Variants in MUC12 observed in about 807,000 individuals in gnomAD.
MUC12 encodes the protein mucin 12, cell surface associated.
A neutral mutation model predicts 230.8 loss-of-function variants in MUC12; 172 were observed. The observed-to-expected ratio is 0.75, with a 90% confidence interval of 0.66 to 0.85. The LOEUF (loss-of-function observed/expected upper bound fraction) is 0.85, where lower values mean the gene tolerates loss of function less well. MUC12 is among the 40% of genes least tolerant of loss of function. The pLI is 0.00. For synonymous variants in MUC12, 1,259 were observed against 2,401.9 expected (o/e 0.52, Z 13.91); for missense variants, 3,506 against 5,920.6 (o/e 0.59, Z 13.38).
At position 100,995,418 on chromosome 7, in the gene MUC12, T is replaced by C; in HGVS notation, c.4855T>C (p.Ser1619Pro). ...CCCAGGCTCCACAGACACAACATTG[T>C]CCCCTGGCAGTACCACAGCATCATC... ...SSPGSTDTTL[S>P]PGSTTASSLG... Residue 1619 changes from serine (S) to proline (P), a missense_variant, in exon 2 of 12, where the codon TCC (serine) becomes CCC (proline). By Grantham distance (74) the Ser-to-Pro change is moderately conservative. Coordinates refer to ENST00000536621, the MANE Select transcript of MUC12 (RefSeq NM_001164462.2). 1 of 1,534,774 alleles carries C rather than the reference T, an allele frequency of 6.5e-7. No homozygotes were observed. The highest frequency in any genetic ancestry group is 8.7e-7 in the Non-Finnish European group (1 of 1,145,880).
At position 101,005,319 on chromosome 7, in the gene MUC12, C is replaced by G. The variant is rs1270438099; in HGVS notation, c.14756C>G (p.Pro4919Arg). 11 of 1,537,804 alleles carry G rather than the reference C, an allele frequency of 7.2e-6. No individual in the cohort carries two copies. The highest frequency in any genetic ancestry group is 8.7e-6 in the Non-Finnish European group (10 of 1,147,078). The part of the protein sequence containing the change: ...HSSSDATGTT[P>R]LPARSTASDL... Reference sequence around the variant, plus strand: ...AGCTCAGACGCAACTGGAACAACACCCTTACCTGCCCGCTCCACAGCCTCA... The same window carrying G: ...AGCTCAGACGCAACTGGAACAACACGCTTACCTGCCCGCTCCACAGCCTCA... The change falls in exon 2 of 12, where the codon CCC (proline) becomes CGC (arginine). Residue 4919 changes from proline to arginine, a missense_variant. Transcript: ENST00000536621.
Position 100,994,065 on chromosome 7 carries a change from A to C in MUC12, c.3502A>C (p.Thr1168Pro), listed in dbSNP as rs1204876692. ...CGTCTACAGCAGCAGCCGAGGCTCA[A>C]CTGAAACCACAGTGTTCCCTCACAG... is the stretch of plus-strand genomic sequence containing the variant. ...TTVYSSSRGSTETTVFPHSTT... is the reference protein window; with the variant it reads ...TTVYSSSRGSPETTVFPHSTT... The change falls in exon 2 of 12, where the codon ACT (threonine) becomes CCT (proline). Residue 1168 changes from threonine (T) to proline (P), a missense_variant. Coordinates refer to ENST00000536621, the MANE Select transcript of MUC12 (RefSeq NM_001164462.2). The C allele has an allele frequency of 2.0e-6, 2 of 1,022,950 alleles. 1 individual carries two copies. The highest frequency in any genetic ancestry group is 4.4e-5 in the African/African-American group (2 of 45,910). The allele number at this position is 1,022,950 out of a possible 1,614,324, so 63.4% of individuals were successfully genotyped here.
At chr7:101,009,184 A>G (rs1793805402) in intron 5 of MUC12, 25 bp downstream of exon 5, 1 of 1,533,130 alleles carries the variant, frequency 6.5e-7, no homozygotes. Context: ...GGGCAGGTTT[A>G]TAGATGTGGG....
Position 100,980,635 on chromosome 7 carries a change from T to C in MUC12, c.68-9996T>C, listed in dbSNP as rs546668082. Among the ~76,000 whole-genome samples the C allele has an allele frequency of 5.9e-5, 9 of 152,314 alleles. No individual in the cohort carries two copies. The South Asian group carries it at 1.7e-3, about 28-fold the overall frequency. On this transcript the variant is annotated intron_variant, in intron 1 of 11. Coordinates refer to ENST00000536621, the MANE Select transcript of MUC12 (RefSeq NM_001164462.2). ...ACTAGGAATGTCATCGTTAAAATGA[T>C]ATCAGCAGCTGGGTGTGGTGGCTCA...
chr7:100,973,064 G>C, intron 1 of MUC12: 1 of 701,794 alleles, frequency 1.4e-6, no homozygotes, highest in South Asian at 1.5e-5. Context: ...TGGATGACAG[G>C]AGCAGTAAGA....
chr7:101,004,561 A>T lies in MUC12; in HGVS notation c.13998A>T (p.Ala4666=). Residue 4666 remains alanine, a synonymous_variant, in exon 2 of 12, where the codon GCA becomes GCT. Transcript: ENST00000536621. The stretch of plus-strand genomic sequence containing the variant: ...ACCACAGCAGCCCGGGCTCAATTGC[A>T]ACAACACACTTTCCTGAGAGCTCCA... ...TSYHSSPGSI[A]TTHFPESSTT... is the part of the protein sequence containing the mutation. 18 of 1,537,354 alleles carry T rather than the reference A, an allele frequency of 1.2e-5. No individual in the cohort carries two copies. Among genetic ancestry groups the T allele is most frequent in the Non-Finnish European group, 1.6e-5 (18 of 1,146,882 alleles).
chr7:101,004,659 C>T lies in MUC12; in HGVS notation c.14096C>T (p.Pro4699Leu), dbSNP rs1026715740. The change falls in exon 2 of 12, where the codon CCT (proline) becomes CTT (leucine). Residue 4699 changes from proline to leucine, a missense_variant. Pro to Leu is a moderately conservative substitution (Grantham distance 98, BLOSUM62 -3). Transcript: ENST00000536621. ...GATACAAATGGAATCACACCCTTAC[C>T]TGCCCATTTTACTACCTCAGGCCGC... ...SPDTNGITPL[P>L]AHFTTSGRIA... 2.0e-6 allele frequency: 3 copies of T among 1,537,326 alleles called. No individual in the cohort carries two copies. Among genetic ancestry groups the T allele is most frequent in the Non-Finnish European group, 1.7e-6 (2 of 1,146,648 alleles).
intron 1 of MUC12, 125 bp downstream of exon 1, chr7:100,969,814 G>A: frequency 7.2e-7 from 1 of 1,388,006 alleles, no homozygotes; most frequent in South Asian, 1.3e-5. Context: ...GCTGCCACAG[G>A]GCTGGAGACC....
intron 5 of MUC12, among the ~76,000 whole-genome samples, 156 bp from the exon 6 acceptor site, chr7:101,012,136 CTCTG>C: frequency 6.6e-6 from 1 of 152,262 alleles, no homozygotes; most frequent in South Asian, 2.1e-4. Flanking sequence ...GCTCTCCTCC[CTCTG>C]TCTGGGTGGT....
rs1793904030 is a variant in MUC12, at chr7:101,015,611, G to T, written c.15801-4G>T. On this transcript the variant is annotated splice_polypyrimidine_tract_variant and splice_region_variant and intron_variant, in intron 9 of 11. Transcript: ENST00000536621. ...ACAGCTGCTCAAGGCATTTCTGTCT[G>T]CAGGGAACAGTATGATGTGCCTCAA... 6.5e-7 allele frequency: 1 copy of T among 1,537,492 alleles called. No individual in the cohort carries two copies. The highest frequency in any genetic ancestry group is 8.7e-7 in the Non-Finnish European group (1 of 1,146,952).
rs1031678731 is a variant in MUC12 at position 101,004,920 on chromosome 7, C to T, written c.14357C>T (p.Thr4786Ile). Residue 4786 changes from threonine (T) to isoleucine (I), a missense_variant, in exon 2 of 12, where the codon ACC (threonine) becomes ATC (isoleucine). By Grantham distance (89) the Thr-to-Ile change is moderately conservative (BLOSUM62 -1). Coordinates refer to ENST00000536621, the MANE Select transcript of MUC12 (RefSeq NM_001164462.2). The stretch of plus-strand genomic sequence containing the variant: ...ACAACAGCGTTCCCTGCCAGCACCA[C>T]CACCTCAGGCCTCAGTCAGGAATCA... ...THTTAFPAST[T>I]TSGLSQESTT... The T allele has an allele frequency of 6.3e-5, 97 of 1,537,820 alleles. No individual in the cohort carries two copies. The highest frequency in any genetic ancestry group is 8.1e-5 in the Non-Finnish European group (93 of 1,147,072).
chr7:101,013,405 A>C (rs568080625), intron 8 of MUC12, among the ~76,000 whole-genome samples: 1 of 151,994 alleles, frequency 6.6e-6, no homozygotes, highest in South Asian at 2.1e-4. Context: ...TTCCAAATCT[A>C]TCTCTATCTC....
In MUC12 at chr7:101,006,459, A is replaced by C. The variant is rs777422805; in HGVS notation, c.14957-12A>C. On this transcript the variant is annotated splice_polypyrimidine_tract_variant and intron_variant, in intron 2 of 11. Coordinates refer to ENST00000536621, the MANE Select transcript of MUC12 (RefSeq NM_001164462.2). ...TCCCACGGTGACTGCTGTGGATTCT[A>C]TCTCTCCACAGGGTTGTGCCAGGAA... 25 of 1,525,030 alleles carry C rather than the reference A, an allele frequency of 1.6e-5. No homozygotes were observed. The highest frequency in any genetic ancestry group is 2.0e-5 in the Non-Finnish European group (23 of 1,135,866). The allele number at this position is 1,525,030 out of a possible 1,614,324, so 94.5% of individuals were successfully genotyped here.
In MUC12 at chr7:101,006,514, C is replaced by T. The variant is rs1252074848; in HGVS notation, c.15000C>T (p.Val5000=). The T allele has an allele frequency of 2.0e-6, 3 of 1,537,134 alleles. No individual in the cohort carries two copies. The East Asian group carries it at 7.3e-5, about 38-fold the overall frequency. ...EGQIWNGKQC[V]CPQGYVGYQC... The stretch of plus-strand genomic sequence containing the variant: ...AAATTTGGAATGGAAAACAATGCGT[C>T]TGTCCCCAAGGCTACGTTGGTTACC... The change falls in exon 3 of 12, where the codon GTC becomes GTT. Residue 5000 remains valine (V), a synonymous_variant. Transcript: ENST00000536621.
intron 10 of MUC12, 120 bp downstream of exon 10, chr7:101,015,811 C>A: frequency 2.3e-6 from 2 of 851,448 alleles, no homozygotes; most frequent in Non-Finnish European, 1.8e-6. Flanking sequence ...CTGTGACTGA[C>A]AGCCCGTTCC....
rs144516841 is a variant in MUC12 at position 100,987,895 on chromosome 7, G to A, written c.68-2736G>A. On this transcript the variant is annotated intron_variant, in intron 1 of 11. Transcript: ENST00000536621. ...CTGAGGCAGGAGAATCACTTGAACT[G>A]GGGAGGCAGATGGTGCGGTGAGCCA... Among the ~76,000 whole-genome samples the A allele has an allele frequency of 9.0e-3, 1,365 of 151,902 alleles. 17 individuals are homozygous for A. The highest frequency in any genetic ancestry group is 0.058 in the Middle Eastern group (17 of 294).
chr7:101,013,910 C>T lies in MUC12; in HGVS notation c.15639-3C>T. On this transcript the variant is annotated splice_region_variant and splice_polypyrimidine_tract_variant and intron_variant, in intron 8 of 11. Transcript: ENST00000536621. Reference sequence around the variant, plus strand: ...ATCAGCGTGAGCTTGTCTGTGTCCCCAGGTGCCCAAATACGAACACACACT... The same window carrying T: ...ATCAGCGTGAGCTTGTCTGTGTCCCTAGGTGCCCAAATACGAACACACACT... 6.5e-7 allele frequency: 1 copy of T among 1,532,502 alleles called. No homozygotes were observed. Among genetic ancestry groups the T allele is most frequent in the South Asian group, 1.2e-5 (1 of 83,092 alleles). 94.9% of individuals were successfully genotyped at this position (1,532,502 alleles called of 1,614,324 possible).
chr7:100,979,963 C>T (rs1038621316), intron 1 of MUC12, among the ~76,000 whole-genome samples: 6 of 149,726 alleles, frequency 4.0e-5, no homozygotes, highest in South Asian at 4.2e-4. Context: ...GAGTTCCAGG[C>T]GCAGTGAGCT....
chr7:100,973,269 C>T lies in MUC12; in HGVS notation c.67+3580C>T, dbSNP rs78092200. Among the ~76,000 whole-genome samples, 1,256 of 140,302 alleles carry T rather than the reference C, an allele frequency of 9.0e-3. 1 individual carries two copies. Among genetic ancestry groups the T allele is most frequent in the Middle Eastern group, 0.065 (16 of 246 alleles). 92.0% of individuals were successfully genotyped at this position (140,302 alleles called of 152,430 possible). A position where few individuals can be genotyped will look rare whatever the true frequency, so the allele number is the denominator to read the frequency against. On this transcript the variant is annotated intron_variant, in intron 1 of 11. Coordinates refer to ENST00000536621, the MANE Select transcript of MUC12 (RefSeq NM_001164462.2). ...CTCCACTTGATGGTTGGCTGGGGGA[C>T]GTGGAGATAGATGGTCTAGGAGGCT...
Sources: allele counts gnomAD v4.1 joint callset (sites outside exome capture counted in the v4.1 genomes callset), GRCh38; gene constraint gnomAD v4.1.1; transcripts MANE v1.5; gene names NCBI Gene and HGNC (gene_info 2026-07-23, HGNC 2026-07-21).